The following NEXMIF variants were observed in gnomAD, a reference collection of about 807,000 sequenced individuals.
NEXMIF encodes neurite extension and migration factor.
NEXMIF carries 8 observed loss-of-function variants against 62.1 expected under a neutral mutation model. The ratio of observed to expected loss-of-function variants is 0.13; its 90% CI spans 0.08 to 0.23. NEXMIF has a LOEUF of 0.23. Ranked by LOEUF, NEXMIF falls within the 10% of genes least tolerant of loss-of-function variation. The pLI is 1.00. For synonymous variants in NEXMIF, 404 were observed against 416.6 expected (o/e 0.97, Z 0.37); for missense variants, 976 against 1,113.3 (o/e 0.88, Z 1.75).
At chrX:74,848,605 A>G (rs2080501866) in intron 1 of NEXMIF, among the ~76,000 whole-genome samples, 1 of 112,658 alleles carries the variant, frequency 8.9e-6, no homozygotes, top group South Asian at 3.7e-4. Context: ...TACAATGATT[A>G]ATACTTAAAA....
intron 1 of NEXMIF, among the ~76,000 whole-genome samples, chrX:74,858,329 C>T (rs1417639306): frequency 8.9e-6 from 1 of 112,049 alleles, no homozygotes; most frequent in African/African-American, 3.2e-5. Flanking sequence ...AAGAGAGAGA[C>T]TCCATTTGTT....
chrX:74,919,190 A>G (rs1056448203), intron 1 of NEXMIF, among the ~76,000 whole-genome samples: 14 of 111,851 alleles, frequency 1.3e-4, no homozygotes, highest in African/African-American at 4.5e-4. Flanking sequence ...GCATGCAGAC[A>G]TCACCTCTTT....
intron 3 of NEXMIF, chrX:74,739,894 A>T (rs2080096130): frequency 2.4e-6 from 1 of 412,165 alleles, no homozygotes; most frequent in African/African-American, 2.5e-5. Flanking sequence ...GCCACAACAA[A>T]ATTGCCCAAT....
chrX:74,760,480 A>G (rs2080172572), intron 1 of NEXMIF, among the ~76,000 whole-genome samples: 1 of 112,076 alleles, frequency 8.9e-6, no homozygotes, highest in Non-Finnish European at 1.9e-5. Context: ...TTCAATGGAA[A>G]TGCTTCCAGC....
intron 1 of NEXMIF, among the ~76,000 whole-genome samples, chrX:74,800,464 A>G (rs2080326265): frequency 9.0e-6 from 1 of 110,816 alleles, no homozygotes; most frequent in Admixed American, 9.6e-5. Flanking sequence ...TTTTCATTGT[A>G]CAGTTCTATG....
chrX:74,765,871 C>CAA (rs755196904), intron 1 of NEXMIF, among the ~76,000 whole-genome samples: 16 of 28,941 alleles, frequency 5.5e-4, no homozygotes, highest in South Asian at 1.7e-3. Flanking sequence ...ACTGAAAATA[C>CAA]AAAAAAAAAA....
At chrX:74,877,724 G>A (rs1372650923) in intron 1 of NEXMIF, among the ~76,000 whole-genome samples, 11 of 110,851 alleles carry the variant, frequency 9.9e-5, no homozygotes, top group African/African-American at 2.0e-4. Flanking sequence ...TTCCCTTCTC[G>A]CTTCATTTCA....
chrX:74,836,280 C>A lies in NEXMIF; in HGVS notation c.-48+88603G>T, dbSNP rs777170347. On this transcript the variant is annotated intron_variant, in intron 1 of 3. Coordinates refer to ENST00000055682, the MANE Select transcript of NEXMIF (RefSeq NM_001008537.3). ...ACCCAAGAGCCTGCTTGTTGCTCTA[C>A]CCCACTTTGGTCAAGTTGGTACCTA... 1.3e-4 allele frequency among the ~76,000 whole-genome samples: 15 copies of A among 112,853 alleles called. No homozygotes were observed. The South Asian group carries it at 5.5e-3, about 41-fold the overall frequency.
rs867540263 is a variant in NEXMIF at position 74,740,406 on chromosome X, C to G, written c.4151G>C (p.Gly1384Ala). The change falls in exon 3 of 4, where the codon GGG (glycine) becomes GCG (alanine). Residue 1384 changes from glycine (G) to alanine (A), a missense_variant. Transcript: ENST00000055682. The stretch of plus-strand genomic sequence containing the variant: ...GTGATTCTTAGTGGCTCCTTGGGAC[C>G]CACTGTTGATCTTTTTCTTAGACTC... ...PQESKKKINS[G>A]SQGATKNHRS... 1 of 1,211,157 alleles carries G rather than the reference C, an allele frequency of 8.3e-7. No homozygotes were observed. Among genetic ancestry groups the G allele is most frequent in the African/African-American group, 1.7e-5 (1 of 57,601 alleles).
At chrX:74,815,678 A>T (rs1480792130) in intron 1 of NEXMIF, among the ~76,000 whole-genome samples, 3 of 99,798 alleles carry the variant, frequency 3.0e-5, no homozygotes, top group African/African-American at 1.1e-4. Context: ...TCTGTCTCCC[A>T]GGCTGGAGTG....
chrX:74,830,942 A>C (rs1411250055), intron 1 of NEXMIF, among the ~76,000 whole-genome samples: 1 of 109,787 alleles, frequency 9.1e-6, no homozygotes, highest in Non-Finnish European at 1.9e-5. Context: ...CAGTTCTAAT[A>C]GTTTTTTGGT....
At chrX:74,813,272 A>G (rs780353212) in intron 1 of NEXMIF, among the ~76,000 whole-genome samples, 1 of 112,010 alleles carries the variant, frequency 8.9e-6, no homozygotes, top group African/African-American at 3.2e-5. Flanking sequence ...AAAACAAAAC[A>G]TAAGGCAGAT....
rs182819945 is a variant in NEXMIF at position 74,897,531 on chromosome X, G to A, written c.-48+27352C>T. Among the ~76,000 whole-genome samples the A allele has an allele frequency of 1.6e-4, 18 of 111,368 alleles. No individual in the cohort carries two copies. The East Asian group carries it at 5.1e-3, about 31-fold the overall frequency. The stretch of plus-strand genomic sequence containing the variant: ...TTGATTTCTCTTAAATTTTATAATT[G>A]TTGTGGAGGGTAAGGAGAGTGAAAG... On this transcript the variant is annotated intron_variant, in intron 1 of 3. Transcript: ENST00000055682.
intron 1 of NEXMIF, among the ~76,000 whole-genome samples, chrX:74,845,640 T>C (rs780638568): frequency 9.0e-6 from 1 of 111,630 alleles, no homozygotes; most frequent in Non-Finnish European, 1.9e-5. Context: ...ATAGTGCTAC[T>C]CTAATATACA....
chrX:74,801,093 C>T (rs2080328312), intron 1 of NEXMIF, among the ~76,000 whole-genome samples: 1 of 111,837 alleles, frequency 8.9e-6, no homozygotes. Context: ...TTCAGATTGG[C>T]TTCTTTCATG....
chrX:74,799,993 C>A (rs1315510468), intron 1 of NEXMIF, among the ~76,000 whole-genome samples: 5 of 111,337 alleles, frequency 4.5e-5, no homozygotes, highest in African/African-American at 1.6e-4. Flanking sequence ...GACAGAACAA[C>A]TAAATACAAG....
intron 1 of NEXMIF, among the ~76,000 whole-genome samples, chrX:74,873,875 G>A (rs1169686593): frequency 1.9e-4 from 21 of 110,902 alleles, no homozygotes; most frequent in Admixed American, 1.3e-3. Context: ...TGAGTTCATT[G>A]TAGATTCTGG....
At chrX:74,856,282 T>A (rs1423043500) in intron 1 of NEXMIF, among the ~76,000 whole-genome samples, 1 of 111,976 alleles carries the variant, frequency 8.9e-6, no homozygotes, top group African/African-American at 3.2e-5. Context: ...ATAAATCATA[T>A]GAAAAATTCA....
At chrX:74,763,886 G>C (rs368510171) in intron 1 of NEXMIF, among the ~76,000 whole-genome samples, 12 of 111,658 alleles carry the variant, frequency 1.1e-4, no homozygotes, top group Non-Finnish European at 2.1e-4. Flanking sequence ...ATGGGGTTTT[G>C]TAGATATACA....
Sources: allele counts gnomAD v4.1 joint callset (sites outside exome capture counted in the v4.1 genomes callset), GRCh38; gene constraint gnomAD v4.1.1; transcripts MANE v1.5; gene names NCBI Gene and HGNC (gene_info 2026-07-23, HGNC 2026-07-21).